The following TBC1D5 variants were observed in gnomAD, a reference collection of about 807,000 sequenced individuals.
TBC1D5 encodes TBC1 domain family member 5.
Under a neutral mutation model 100.3 loss-of-function variants are expected in TBC1D5, and 75 were observed. That is an observed-to-expected ratio of 0.75 (90% CI 0.62 to 0.91). TBC1D5 has a LOEUF of 0.91. Ranked by LOEUF, TBC1D5 falls within the 40% of genes least tolerant of loss-of-function variation. The probability of loss-of-function intolerance (pLI) is 0.00; values close to 1 mark genes in which losing one functional copy is unlikely to be tolerated. For missense variants in TBC1D5, 910 were observed against 942.4 expected (o/e 0.97, Z 0.45); for synonymous variants, 323 against 325.6 (o/e 0.99, Z 0.09).
intron 12 of TBC1D5, among the ~76,000 whole-genome samples, chr3:17,374,246 C>G (rs1007828920): frequency 2.0e-5 from 3 of 152,022 alleles, no homozygotes; most frequent in Admixed American, 2.0e-4. Context: ...AATATACACA[C>G]ATATAAAATG....
chr3:17,196,589 C>T (rs1042297971), intron 18 of TBC1D5, among the ~76,000 whole-genome samples: 2 of 152,178 alleles, frequency 1.3e-5, no homozygotes, highest in Non-Finnish European at 2.9e-5. Context: ...GAGAAGGGCT[C>T]CTGCAGAATT....
intron 1 of TBC1D5, among the ~76,000 whole-genome samples, chr3:17,738,648 C>T (rs1393750000): frequency 6.6e-6 from 1 of 152,154 alleles, no homozygotes. Flanking sequence ...CTTGGCCATT[C>T]AGCTGTGAGG....
chr3:17,713,616 GA>G (rs34974558), intron 1 of TBC1D5, among the ~76,000 whole-genome samples: 3 of 151,992 alleles, frequency 2.0e-5, no homozygotes, highest in Admixed American at 1.3e-4. Context: ...CAGAATGGGG[GA>G]AAAATGTTTC....
intron 2 of TBC1D5, among the ~76,000 whole-genome samples, chr3:17,551,192 C>T (rs1178413983): frequency 6.6e-6 from 1 of 152,100 alleles, no homozygotes; most frequent in East Asian, 1.9e-4. Flanking sequence ...TCCTATCATG[C>T]TGATCGGTCA....
intron 2 of TBC1D5, among the ~76,000 whole-genome samples, chr3:17,606,208 A>C (rs1484962166): frequency 6.6e-6 from 1 of 152,196 alleles, no homozygotes; most frequent in East Asian, 1.9e-4. Context: ...TGGGAAGCCA[A>C]GGAGGGAGGA....
rs939782536 is a variant in TBC1D5 at position 17,702,560 on chromosome 3, A to T, written c.-101+36783T>A. On this transcript the variant is annotated intron_variant, in intron 1 of 21. Coordinates refer to ENST00000253692, the Ensembl canonical transcript of TBC1D5. ...AATGTAAAGAGAAAAAGATGTCCAA[A>T]ATCTAATCAACAGCTGCTTCTTAGC... is the stretch of plus-strand genomic sequence containing the variant. Among the ~76,000 whole-genome samples the T allele has an allele frequency of 7.2e-5, 11 of 152,264 alleles. No homozygotes were observed. In the South Asian group the frequency reaches 1.9e-3, roughly 26 times the overall value.
In TBC1D5 at chr3:17,372,082, A is replaced by G. The variant is rs1485956498; in HGVS notation, c.988T>C (p.Tyr330His). Residue 330 changes from tyrosine (Y) to histidine (H), a missense_variant, in exon 13 of 22, where the codon TAT becomes CAT. Physicochemically the swap from Tyr to His is moderately conservative, Grantham distance 83 (BLOSUM62 2). Coordinates refer to ENST00000253692, the Ensembl canonical transcript of TBC1D5. Reference sequence around the variant, plus strand: ...AAGAACTTTAATACTTACAACCCATATATCTGTGGTGCAATTTCTAGTCTG... The same window carrying G: ...AAGAACTTTAATACTTACAACCCATGTATCTGTGGTGCAATTTCTAGTCTG... 9.3e-6 allele frequency: 15 copies of G among 1,608,918 alleles called. No individual in the cohort carries two copies. The highest frequency in any genetic ancestry group is 2.2e-5 in the East Asian group (1 of 44,786).
At chr3:17,372,788 T>A (rs1375948320) in intron 12 of TBC1D5, among the ~76,000 whole-genome samples, 1 of 152,240 alleles carries the variant, frequency 6.6e-6, no homozygotes, top group Non-Finnish European at 1.5e-5. Context: ...AGGTTATTAT[T>A]CCAAAAATAT....
At position 17,700,665 on chromosome 3, in the gene TBC1D5, C is replaced by T. The variant is rs141743785; in HGVS notation, c.-101+38678G>A. ...ACAAACAACCCCATCAAAAAGTGGG[C>T]GAAGGATATGAAAAGACACTTCTCA... is the stretch of plus-strand genomic sequence containing the variant. On this transcript the variant is annotated intron_variant, in intron 1 of 21. Coordinates refer to ENST00000253692, the Ensembl canonical transcript of TBC1D5. Among the ~76,000 whole-genome samples the T allele has an allele frequency of 2.2e-4, 34 of 152,186 alleles. 1 individual carries two copies. The East Asian group carries it at 6.2e-3, about 28-fold the overall frequency.
At chr3:17,604,293 T>C (rs550144942) in intron 2 of TBC1D5, among the ~76,000 whole-genome samples, 10 of 152,248 alleles carry the variant, frequency 6.6e-5, no homozygotes, top group Admixed American at 2.6e-4. Flanking sequence ...AATTTCCTTA[T>C]GAAGAACTCA....
chr3:17,170,247 G>A (rs1575716629), intron 19 of TBC1D5, among the ~76,000 whole-genome samples: 1 of 152,214 alleles, frequency 6.6e-6, no homozygotes, highest in African/African-American at 2.4e-5. Flanking sequence ...CCTCTGCTGA[G>A]CTGAGAGGTG....
At position 17,557,736 on chromosome 3, in the gene TBC1D5, G is replaced by A. The variant is rs147800976; in HGVS notation, c.-35-49131C>T. 2.3e-3 allele frequency among the ~76,000 whole-genome samples: 356 copies of A among 152,012 alleles called. 10 individuals carry two copies. In the East Asian group the frequency reaches 0.051, roughly 22 times the overall value. ...CAATTAATTTTTGTTCTTTGTATCC[G>A]AACCAAGCAACAGCCATAGGTAAAT... On this transcript the variant is annotated intron_variant, in intron 2 of 21. Transcript: ENST00000253692.
chr3:17,686,127 T>C (rs1018890099), intron 1 of TBC1D5, among the ~76,000 whole-genome samples: 14 of 152,120 alleles, frequency 9.2e-5, no homozygotes, highest in Non-Finnish European at 1.6e-4. Flanking sequence ...GACAAAGTGA[T>C]TGGCTGACAT....
Position 17,214,340 on chromosome 3 carries a change from G to A in TBC1D5, c.1619C>T (p.Pro540Leu), listed in dbSNP as rs781588869. The change falls in exon 18 of 22, where the codon CCA (proline) becomes CTA (leucine). Residue 540 changes from proline to leucine, a missense_variant. Transcript: ENST00000253692. ...TCCTCCAGGCAAACTCTCAACGCTTGGAGATGAACTGATGTTTTTAGAACT... is the reference window on the plus strand; with the variant it reads ...TCCTCCAGGCAAACTCTCAACGCTTAGAGATGAACTGATGTTTTTAGAACT... The A allele has an allele frequency of 1.2e-5, 20 of 1,612,818 alleles. No homozygotes were observed. The South Asian group carries it at 2.1e-4, about 17-fold the overall frequency.
chr3:17,345,850 C>G (rs2089784056), intron 13 of TBC1D5, among the ~76,000 whole-genome samples: 1 of 151,384 alleles, frequency 6.6e-6, no homozygotes, highest in Non-Finnish European at 1.5e-5. Context: ...TATTCTCACT[C>G]ATAGATGGAA....
At chr3:17,498,687 T>C (rs967818930) in intron 3 of TBC1D5, among the ~76,000 whole-genome samples, 1 of 152,054 alleles carries the variant, frequency 6.6e-6, no homozygotes, top group African/African-American at 2.4e-5. Flanking sequence ...CTGACTACTG[T>C]GCTTGCTATT....
intron 19 of TBC1D5, among the ~76,000 whole-genome samples, chr3:17,182,523 G>A (rs1054650395): frequency 3.9e-5 from 6 of 152,206 alleles, no homozygotes; most frequent in African/African-American, 1.2e-4. Context: ...AAAAGTTGCT[G>A]TGTGTACCAA....
chr3:17,595,078 A>C (rs139798266), intron 2 of TBC1D5, among the ~76,000 whole-genome samples: 158 of 152,278 alleles, frequency 1.0e-3, no homozygotes, highest in African/African-American at 3.4e-3. Flanking sequence ...CTCCCAGCCT[A>C]CATCTTTCTC....
intron 3 of TBC1D5, among the ~76,000 whole-genome samples, chr3:17,493,791 C>T (rs1316435423): frequency 6.6e-6 from 1 of 152,164 alleles, no homozygotes; most frequent in Non-Finnish European, 1.5e-5. Flanking sequence ...ATTTATGTCC[C>T]TCTCTAAACT....
Sources: gnomAD v4.1 joint callset for allele counts (sites outside exome capture counted in the v4.1 genomes callset) on GRCh38, gnomAD v4.1.1 for gene constraint, MANE v1.5 for transcripts, NCBI Gene and HGNC (gene_info 2026-07-23, HGNC 2026-07-21) for gene names.